Variants in CDCP2 observed in about 807,000 individuals in gnomAD.
CDCP2 encodes CUB domain containing protein 2, also known as CUB domain-containing protein 2.
In CDCP2, 31 loss-of-function variants were observed where a neutral mutation model predicts 31.0. That is an observed-to-expected ratio of 1.00 (90% CI 0.75 to 1.35). CDCP2 has a LOEUF of 1.35. Ranked by LOEUF, CDCP2 falls within the 40% of genes most tolerant of loss-of-function variation. The pLI is 0.00. For missense variants in CDCP2, 443 were observed against 482.6 expected (o/e 0.92, Z 0.77); for synonymous variants, 206 against 207.9 (o/e 0.99, Z 0.08).
chr1:54,141,049 A>G, intron 3 of CDCP2, 49 bp downstream of exon 3: 2 of 1,460,606 alleles, frequency 1.4e-6, no homozygotes, highest in Middle Eastern at 2.0e-4. Context: ...GGGAGACAGG[A>G]GCCCAGTAGG....
At chr1:54,135,717 C>G (rs930065800) in intron 5 of CDCP2, among the ~76,000 whole-genome samples, 10 of 152,248 alleles carry the variant, frequency 6.6e-5, no homozygotes, top group Non-Finnish European at 1.2e-4. Context: ...GGACTGGCCC[C>G]CTACCCTCCT....
intron 1 of CDCP2, among the ~76,000 whole-genome samples, chr1:54,150,205 C>T (rs932416026): frequency 6.6e-6 from 1 of 152,236 alleles, no homozygotes; most frequent in African/African-American, 2.4e-5. Flanking sequence ...GGGGTTCTTT[C>T]CTTTCTGGTC....
At chr1:54,150,225 G>A (rs1403137413) in intron 1 of CDCP2, among the ~76,000 whole-genome samples, 3 of 152,212 alleles carry the variant, frequency 2.0e-5, no homozygotes, top group African/African-American at 7.2e-5. Context: ...CCCTTGACTG[G>A]GAGGGGGAGC....
At position 54,134,523 on chromosome 1, in the gene CDCP2, C is replaced by T. The variant is rs144226772; in HGVS notation, c.1297-1229G>A. On this transcript the variant is annotated intron_variant, in intron 5 of 5. Coordinates refer to ENST00000530059, the Ensembl canonical transcript of CDCP2. ...CCAACCACGCCCAATCTGCAGCAGC[C>T]ACTGCCTTCTTCAGGGTTTCCTAAC... 6.3e-3 allele frequency among the ~76,000 whole-genome samples: 952 copies of T among 152,292 alleles called. 11 individuals are homozygous for T. Among genetic ancestry groups the T allele is most frequent in the African/African-American group, 0.022 (915 of 41,556 alleles).
At chr1:54,133,740 C>CA (rs1401646720) in intron 5 of CDCP2, among the ~76,000 whole-genome samples, 5 of 151,762 alleles carry the variant, frequency 3.3e-5, no homozygotes, top group African/African-American at 9.7e-5. Context: ...ACTAAAAATA[C>CA]AAAAAATTAG....
chr1:54,146,630 C>T (rs936247827), intron 1 of CDCP2, among the ~76,000 whole-genome samples: 1 of 151,932 alleles, frequency 6.6e-6, no homozygotes, highest in East Asian at 1.9e-4. Context: ...TAGCATTTTA[C>T]ACCTCTAGGC....
chr1:54,148,999 A>T (rs1308577784), intron 1 of CDCP2, among the ~76,000 whole-genome samples: 1 of 147,300 alleles, frequency 6.8e-6, no homozygotes, highest in East Asian at 1.9e-4. Context: ...AATATATAAT[A>T]TATTTATTTT....
intron 1 of CDCP2, among the ~76,000 whole-genome samples, chr1:54,150,659 G>A (rs780144306): frequency 6.6e-6 from 1 of 152,114 alleles, no homozygotes; most frequent in Admixed American, 6.6e-5. Flanking sequence ...TGTGGGAACT[G>A]GAAGAGCCAT....
intron 3 of CDCP2, 53 bp downstream of exon 3, chr1:54,141,045 C>T: frequency 6.9e-7 from 1 of 1,449,886 alleles, no homozygotes; most frequent in Non-Finnish European, 9.3e-7. Flanking sequence ...AATGGGGAGA[C>T]AGGAGCCCAG....
At chr1:54,144,574 C>T (rs767029577) in exon 2 of CDCP2, 34 of 1,613,886 alleles carry the variant, frequency 2.1e-5, no homozygotes, top group African/African-American at 6.7e-5. Context: ...GGCACCTTGC[C>T]GCAGAACCTC....
intron 4 of CDCP2, 27 bp downstream of exon 4, chr1:54,139,726 T>C: frequency 6.2e-7 from 1 of 1,614,124 alleles, no homozygotes; most frequent in Non-Finnish European, 8.5e-7. Flanking sequence ...TCGCCCTCAG[T>C]GGACCCACTC....
chr1:54,144,945 G>T, intron 1 of CDCP2, 132 bp from the exon 2 acceptor site: 1 of 635,660 alleles, frequency 1.6e-6, no homozygotes, highest in Non-Finnish European at 2.8e-6. Flanking sequence ...GTGTTTATTT[G>T]CTCATGCATC....
At chr1:54,133,669 G>C (rs1354499977) in intron 5 of CDCP2, among the ~76,000 whole-genome samples, 2 of 152,164 alleles carry the variant, frequency 1.3e-5, no homozygotes, top group African/African-American at 2.4e-5. Context: ...GGCCAAGGCG[G>C]GCGGATCATG....
chr1:54,141,299 C>T (rs149883142), exon 3 of CDCP2: 47 of 1,614,210 alleles, frequency 2.9e-5, no homozygotes, highest in African/African-American at 1.7e-4. Flanking sequence ...TGGAAGTCCA[C>T]GAACACCAGC....
chr1:54,139,232 A>T, intron 4 of CDCP2: 1 of 361,814 alleles, frequency 2.8e-6, no homozygotes, highest in Non-Finnish European at 5.0e-6. Context: ...AGAGAGTCCC[A>T]GAGATAACAT....
intron 3 of CDCP2, chr1:54,140,538 T>G (rs543427710): frequency 1.2e-5 from 3 of 248,982 alleles, no homozygotes; most frequent in Middle Eastern, 1.4e-3. Flanking sequence ...CCTTTGCACA[T>G]GCTGTTCCTC....
At chr1:54,141,324 G>A (rs1411216412) in exon 3 of CDCP2, 4 of 1,614,116 alleles carry the variant, frequency 2.5e-6, no homozygotes, top group Non-Finnish European at 3.4e-6. Context: ...CGTGGGCAGG[G>A]CCAGCGGCCC....
At chr1:54,134,838 C>T (rs1057008227) in intron 5 of CDCP2, among the ~76,000 whole-genome samples, 8 of 152,008 alleles carry the variant, frequency 5.3e-5, no homozygotes, top group African/African-American at 1.7e-4. Flanking sequence ...CGGGTTCAAG[C>T]GATTCTCATG....
intron 4 of CDCP2, chr1:54,138,328 G>C (rs1570058938): frequency 6.6e-6 from 1 of 152,188 alleles, no homozygotes; most frequent in Non-Finnish European, 1.5e-5. Flanking sequence ...AATGGAGCTG[G>C]GCTCTCCAGG....
Sources: gnomAD v4.1 joint callset for allele counts (sites outside exome capture counted in the v4.1 genomes callset) on GRCh38, gnomAD v4.1.1 for gene constraint, MANE v1.5 for transcripts, NCBI Gene and HGNC (gene_info 2026-07-23, HGNC 2026-07-21) for gene names.